GPC3: variants seen among roughly 807,000 people sequenced by gnomAD.
GPC3 encodes the protein glypican-3.
GPC3 carries 3 observed loss-of-function variants against 34.4 expected under a neutral mutation model. That is an observed-to-expected ratio of 0.09 (90% confidence interval 0.04 to 0.23). The LOEUF is 0.23. Ranked by LOEUF, GPC3 falls within the 10% of genes least tolerant of loss-of-function variation. GPC3 has a pLI of 1.00. For synonymous variants in GPC3, 177 were observed against 174.0 expected, an observed-to-expected ratio of 1.02 and a Z score of -0.13; for missense variants, 351 against 445.6, an observed-to-expected ratio of 0.79 and a Z score of 1.91.
chrX:133,742,985 G>A (rs1233047643), intron 3 of GPC3, among the ~76,000 whole-genome samples: 1 of 112,246 alleles, frequency 8.9e-6, no homozygotes, highest in Non-Finnish European at 1.9e-5. Context: ...CTCACCCCCC[G>A]TATGAAATAA....
intron 5 of GPC3, among the ~76,000 whole-genome samples, chrX:133,675,949 G>A (rs1057139785): frequency 8.9e-6 from 1 of 112,383 alleles, no homozygotes; most frequent in Non-Finnish European, 1.9e-5. Context: ...TGGACTTCAC[G>A]AACCAGCATT....
At chrX:133,896,650 T>C (rs2076115184) in intron 2 of GPC3, among the ~76,000 whole-genome samples, 1 of 111,692 alleles carries the variant, frequency 9.0e-6, no homozygotes, top group South Asian at 3.8e-4. Flanking sequence ...TTTCTGTATC[T>C]ATCTAAGGCA....
intron 6 of GPC3, among the ~76,000 whole-genome samples, chrX:133,660,935 G>A (rs1401502219): frequency 1.8e-5 from 2 of 111,645 alleles, no homozygotes; most frequent in Non-Finnish European, 3.8e-5. Flanking sequence ...TTGCGGGGCT[G>A]ATGCAGGAGG....
intron 6 of GPC3, among the ~76,000 whole-genome samples, chrX:133,642,415 G>A (rs780903021): frequency 1.8e-5 from 2 of 111,259 alleles, no homozygotes; most frequent in Admixed American, 1.9e-4. Flanking sequence ...AGCTATATAG[G>A]GACAAACTAA....
chrX:133,607,934 G>A (rs1349373253), intron 6 of GPC3, among the ~76,000 whole-genome samples: 1 of 112,797 alleles, frequency 8.9e-6, no homozygotes, highest in African/African-American at 3.2e-5. Context: ...CACCCAGGGA[G>A]CCTCTGCCAA....
chrX:133,829,040 C>G (rs907039491), intron 2 of GPC3, among the ~76,000 whole-genome samples: 2 of 111,590 alleles, frequency 1.8e-5, no homozygotes, highest in African/African-American at 6.5e-5. Flanking sequence ...AAACCCATGT[C>G]CAACTAAAAT....
At chrX:133,784,771 T>C (rs1476604020) in intron 2 of GPC3, among the ~76,000 whole-genome samples, 2 of 112,337 alleles carry the variant, frequency 1.8e-5, no homozygotes. Context: ...GGTTTTGACA[T>C]ATTCACAAAG....
chrX:133,767,494 T>C (rs1442461166), intron 2 of GPC3, among the ~76,000 whole-genome samples: 1 of 111,809 alleles, frequency 8.9e-6, no homozygotes, highest in Non-Finnish European at 1.9e-5. Context: ...AAGGCCAGGC[T>C]CTCCCTTGAG....
chrX:133,957,394 G>A (rs924938575), intron 1 of GPC3, among the ~76,000 whole-genome samples: 3 of 112,665 alleles, frequency 2.7e-5, no homozygotes, highest in Non-Finnish European at 5.6e-5. Flanking sequence ...ACAGCATGAG[G>A]AAGAAGCCTA....
At chrX:133,837,380 A>G (rs1394302586) in intron 2 of GPC3, among the ~76,000 whole-genome samples, 2 of 112,134 alleles carry the variant, frequency 1.8e-5, no homozygotes, top group Non-Finnish European at 3.8e-5. Flanking sequence ...ACAGTTTTTA[A>G]CAGTCTATAG....
At chrX:133,575,435 C>T (rs1219077396) in intron 7 of GPC3, among the ~76,000 whole-genome samples, 1 of 112,152 alleles carries the variant, frequency 8.9e-6, no homozygotes, top group Non-Finnish European at 1.9e-5. Context: ...CTTCCCATAA[C>T]ATGCAATTCT....
rs1256130007 is a variant in GPC3, at chrX:133,576,816, G to C, written c.1573+19624C>G. Among the ~76,000 whole-genome samples the C allele has an allele frequency of 3.6e-5, 4 of 109,747 alleles. No individual in the cohort carries two copies. The East Asian group carries it at 8.6e-4, about 24-fold the overall frequency. On this transcript the variant is annotated intron_variant, in intron 7 of 7. Transcript: ENST00000370818. ...CATCAAGAATATGTTTTGTGGAGGA[G>C]GAGGGTCTTGAAGTATTGGCAGGCT... is the stretch of plus-strand genomic sequence containing the variant.
At chrX:133,626,899 A>G (rs1168925515) in intron 6 of GPC3, among the ~76,000 whole-genome samples, 10 of 108,292 alleles carry the variant, frequency 9.2e-5, no homozygotes, top group Non-Finnish European at 1.7e-4. Flanking sequence ...ACAATAGCAA[A>G]GACTTGGAAC....
intron 3 of GPC3, among the ~76,000 whole-genome samples, chrX:133,703,706 C>T (rs2124440613): frequency 8.9e-6 from 1 of 111,946 alleles, no homozygotes; most frequent in East Asian, 2.8e-4. Context: ...GTGATCCACC[C>T]ACCTTGGCCT....
intron 2 of GPC3, among the ~76,000 whole-genome samples, chrX:133,790,590 T>C (rs1255280817): frequency 1.8e-5 from 2 of 111,934 alleles, no homozygotes; most frequent in Non-Finnish European, 3.8e-5. Flanking sequence ...AAAAATTATC[T>C]TCAGTTGTAG....
At chrX:133,757,775 A>G (rs748005470) in intron 2 of GPC3, among the ~76,000 whole-genome samples, 1 of 111,669 alleles carries the variant, frequency 9.0e-6, no homozygotes, top group African/African-American at 3.2e-5. Flanking sequence ...GGTTAGAATA[A>G]AAAATGGTCC....
At chrX:133,845,697 A>C (rs2075844364) in intron 2 of GPC3, among the ~76,000 whole-genome samples, 1 of 112,039 alleles carries the variant, frequency 8.9e-6, no homozygotes, top group African/African-American at 3.2e-5. Context: ...AAAGAATATC[A>C]ATTGTGTTTG....
chrX:133,960,521 T>C (rs959327430), intron 1 of GPC3, among the ~76,000 whole-genome samples: 3 of 111,656 alleles, frequency 2.7e-5, no homozygotes, highest in Non-Finnish European at 3.8e-5. Context: ...GAAAAAATAT[T>C]AATGTAGACC....
chrX:133,824,587 CT>C (rs1273708119), intron 2 of GPC3, among the ~76,000 whole-genome samples: 1 of 111,512 alleles, frequency 9.0e-6, no homozygotes, highest in Non-Finnish European at 1.9e-5. Context: ...AAAAGAGAAG[CT>C]TTTGAATGTT....
Sources: gnomAD v4.1 joint callset for allele counts (sites outside exome capture counted in the v4.1 genomes callset) on GRCh38, gnomAD v4.1.1 for gene constraint, MANE v1.5 for transcripts, NCBI Gene and HGNC (gene_info 2026-07-23, HGNC 2026-07-21) for gene names.